Variants in LURAP1L observed in about 807,000 individuals in gnomAD.
LURAP1L encodes leucine rich adaptor protein 1 like.
A neutral mutation model predicts 13.8 loss-of-function variants in LURAP1L; 12 were observed. The ratio of observed to expected loss-of-function variants is 0.87; its 90% confidence interval spans 0.56 to 1.41. The LOEUF (loss-of-function observed/expected upper bound fraction) is 1.41, where lower values mean the gene tolerates loss of function less well. Ranked by LOEUF, LURAP1L falls within the 40% of genes most tolerant of loss-of-function variation. The pLI is 0.00. For synonymous variants in LURAP1L, 139 were observed against 119.2 expected (o/e 1.17, Z -1.08); for missense variants, 375 against 292.9 (o/e 1.28, Z -2.04).
Position 12,806,504 on chromosome 9 carries a change from T to C in LURAP1L, c.313-14882T>C, listed in dbSNP as rs533526139. 3.7e-4 allele frequency among the ~76,000 whole-genome samples: 56 copies of C among 152,230 alleles called. 1 individual carries two copies. Among genetic ancestry groups the C allele is most frequent in the African/African-American group, 1.3e-3 (53 of 41,558 alleles). ...TAGTAAACAGTAGGTCACACAAAAC[T>C]ATAACCACATAGATAATTAAATAAT... is the stretch of plus-strand genomic sequence containing the variant. On this transcript the variant is annotated intron_variant, in intron 1 of 1. Transcript: ENST00000319264.
chr9:12,821,461 T>C lies in LURAP1L; in HGVS notation c.388T>C (p.Trp130Arg). 7 of 1,614,018 alleles carry C rather than the reference T, an allele frequency of 4.3e-6. No individual in the cohort carries two copies. The highest frequency in any genetic ancestry group is 5.9e-6 in the Non-Finnish European group (7 of 1,180,012). The part of the protein sequence containing the change: ...VINESIESIK[W>R]MIEEKATITS... The stretch of plus-strand genomic sequence containing the variant: ...CAATGAGAGCATCGAGTCCATCAAG[T>C]GGATGATCGAAGAAAAAGCCACCAT... The change falls in exon 2 of 2, where the codon TGG becomes CGG. Residue 130 changes from tryptophan (W) to arginine (R), a missense_variant. Physicochemically the swap from Trp to Arg is moderately radical, Grantham distance 101 (BLOSUM62 -3). Transcript: ENST00000319264.
chr9:12,794,404 T>C (rs1819485280), intron 1 of LURAP1L, among the ~76,000 whole-genome samples: 1 of 152,054 alleles, frequency 6.6e-6, no homozygotes, highest in African/African-American at 2.4e-5. Flanking sequence ...CAAGATCAAA[T>C]AACTTGAAAA....
intron 1 of LURAP1L, among the ~76,000 whole-genome samples, chr9:12,791,232 G>A (rs899496324): frequency 4.6e-5 from 7 of 152,078 alleles, no homozygotes; most frequent in African/African-American, 1.7e-4. Flanking sequence ...GAATTTTAAG[G>A]AATCGACCTG....
intron 1 of LURAP1L, among the ~76,000 whole-genome samples, chr9:12,797,312 G>T (rs911174898): frequency 1.3e-5 from 2 of 152,036 alleles, no homozygotes. Context: ...AGCCTAGAAA[G>T]ATACTACTGC....
chr9:12,807,333 A>G (rs1201485148), intron 1 of LURAP1L, among the ~76,000 whole-genome samples: 2 of 152,124 alleles, frequency 1.3e-5, no homozygotes, highest in Non-Finnish European at 2.9e-5. Context: ...AGAATTGGCC[A>G]GGGTAATCTG....
chr9:12,812,846 TGTTCAACTGA>T (rs1266998395), intron 1 of LURAP1L, among the ~76,000 whole-genome samples: 1 of 152,200 alleles, frequency 6.6e-6, no homozygotes, highest in Non-Finnish European at 1.5e-5. Context: ...AAAGCATAAA[TGTTCAACTGA>T]GTTTAGATAC....
intron 1 of LURAP1L, among the ~76,000 whole-genome samples, chr9:12,793,480 A>G (rs1819471739): frequency 6.6e-6 from 1 of 151,970 alleles, no homozygotes; most frequent in African/African-American, 2.4e-5. Flanking sequence ...TTGTTTGGTT[A>G]CTCAACAGCC....
At chr9:12,798,149 A>G (rs569664629) in intron 1 of LURAP1L, among the ~76,000 whole-genome samples, 5 of 152,202 alleles carry the variant, frequency 3.3e-5, no homozygotes, top group Non-Finnish European at 7.3e-5. Flanking sequence ...CATAGGTAAA[A>G]TTTTAAGTGT....
chr9:12,793,125 T>TTAGAAG (rs1819466402), intron 1 of LURAP1L, among the ~76,000 whole-genome samples: 1 of 151,980 alleles, frequency 6.6e-6, no homozygotes, highest in African/African-American at 2.4e-5. Context: ...TTATAATGAT[T>TTAGAAG]TAGAAGTAGA....
At chr9:12,784,199 C>T (rs2118469824) in intron 1 of LURAP1L, among the ~76,000 whole-genome samples, 1 of 152,116 alleles carries the variant, frequency 6.6e-6, no homozygotes, top group Admixed American at 6.5e-5. Context: ...TTACTGGTGC[C>T]CTTATTTAGT....
At chr9:12,804,976 G>T (rs1019208247) in intron 1 of LURAP1L, among the ~76,000 whole-genome samples, 1 of 151,970 alleles carries the variant, frequency 6.6e-6, no homozygotes, top group Non-Finnish European at 1.5e-5. Context: ...TAAGCCATAA[G>T]TTGTAACCAA....
intron 1 of LURAP1L, among the ~76,000 whole-genome samples, chr9:12,780,487 G>T (rs1819254885): frequency 1.3e-5 from 2 of 152,116 alleles, no homozygotes; most frequent in Non-Finnish European, 2.9e-5. Context: ...ATATAACTAG[G>T]ACAGTATTAT....
chr9:12,787,432 GAGTT>G (rs938177480), intron 1 of LURAP1L, among the ~76,000 whole-genome samples: 7 of 152,246 alleles, frequency 4.6e-5, no homozygotes, highest in Admixed American at 2.6e-4. Flanking sequence ...CATTCAGAGA[GAGTT>G]AGTCTATTAG....
intron 1 of LURAP1L, among the ~76,000 whole-genome samples, chr9:12,810,601 A>G (rs1241049890): frequency 6.6e-6 from 1 of 152,204 alleles, no homozygotes; most frequent in Non-Finnish European, 1.5e-5. Context: ...TAGATAAATT[A>G]ATATTTAAGG....
Position 12,821,893 on chromosome 9 carries a change from A to C in LURAP1L, c.*133A>C. The C allele has an allele frequency of 9.6e-7, 1 of 1,036,370 alleles. No individual in the cohort carries two copies. Among genetic ancestry groups the C allele is most frequent in the Non-Finnish European group, 1.4e-6 (1 of 713,004 alleles). The allele number at this position is 1,036,370 out of a possible 1,614,324, so 64.2% of individuals were successfully genotyped here. On this transcript the variant is annotated 3_prime_UTR_variant, in exon 2 of 2. Transcript: ENST00000319264. ...AAGAAGCTGATTTTGAAACTGCTTAATGGTATTGCTGTTGCTCCTAATACT... is the reference window on the plus strand; with the variant it reads ...AAGAAGCTGATTTTGAAACTGCTTACTGGTATTGCTGTTGCTCCTAATACT...
intron 1 of LURAP1L, among the ~76,000 whole-genome samples, chr9:12,796,260 T>C (rs1350265502): frequency 1.3e-5 from 2 of 152,122 alleles, no homozygotes; most frequent in East Asian, 3.9e-4. Flanking sequence ...TATTTTAAAG[T>C]ACATAAAATA....
intron 1 of LURAP1L, among the ~76,000 whole-genome samples, chr9:12,787,099 T>C (rs1819366413): frequency 6.6e-6 from 1 of 151,978 alleles, no homozygotes; most frequent in East Asian, 1.9e-4. Context: ...ATGCAAAGAG[T>C]ACAAAAGTAT....
intron 1 of LURAP1L, among the ~76,000 whole-genome samples, chr9:12,801,877 A>C (rs1326266620): frequency 1.3e-5 from 2 of 152,216 alleles, no homozygotes; most frequent in Non-Finnish European, 2.9e-5. Context: ...TCTGGGTCAT[A>C]TATTTGAAAA....
chr9:12,797,575 C>T (rs573170782), intron 1 of LURAP1L, among the ~76,000 whole-genome samples: 1 of 152,204 alleles, frequency 6.6e-6, no homozygotes, highest in South Asian at 2.1e-4. Flanking sequence ...AAAATTATCT[C>T]AAATTCTAGT....
Sources: gnomAD v4.1 joint callset for allele counts (sites outside exome capture counted in the v4.1 genomes callset) on GRCh38, gnomAD v4.1.1 for gene constraint, MANE v1.5 for transcripts, NCBI Gene and HGNC (gene_info 2026-07-23, HGNC 2026-07-21) for gene names.